STPG2: variants seen among roughly 807,000 people sequenced by gnomAD.
The protein encoded by STPG2 is sperm-tail PG-rich repeat-containing protein 2.
In STPG2, 56 loss-of-function variants were observed where a neutral mutation model predicts 54.2. The ratio of observed to expected loss-of-function variants is 1.03; its 90% confidence interval spans 0.83 to 1.29. The LOEUF is 1.29. STPG2 is among the 50% of genes most tolerant of loss of function. The pLI is 0.00. For synonymous variants in STPG2, 200 were observed against 181.8 expected (o/e 1.10, Z -0.81); for missense variants, 596 against 544.9 (o/e 1.09, Z -0.93).
chr4:97,650,608 G>A (rs1184551453), intron 10 of STPG2, among the ~76,000 whole-genome samples: 1 of 152,118 alleles, frequency 6.6e-6, no homozygotes, highest in Non-Finnish European at 1.5e-5. Flanking sequence ...ATAAAAGATT[G>A]TGGAGACCAA....
At chr4:97,759,885 T>A (rs1287576723) in intron 9 of STPG2, among the ~76,000 whole-genome samples, 2 of 152,168 alleles carry the variant, frequency 1.3e-5, no homozygotes, top group African/African-American at 4.8e-5. Context: ...GCTTCCTAAC[T>A]ATTAATCTGC....
At chr4:97,748,756 A>G (rs370301997) in intron 9 of STPG2, among the ~76,000 whole-genome samples, 1 of 151,548 alleles carries the variant, frequency 6.6e-6, no homozygotes, top group South Asian at 2.1e-4. Context: ...ATTTCATACA[A>G]TTTGACACAA....
At chr4:97,644,755 C>A (rs979920143) in intron 10 of STPG2, among the ~76,000 whole-genome samples, 1 of 151,924 alleles carries the variant, frequency 6.6e-6, no homozygotes, top group East Asian at 1.9e-4. Flanking sequence ...AAGTGACTTA[C>A]CAGAGCATAA....
intron 4 of STPG2, among the ~76,000 whole-genome samples, chr4:97,525,877 C>A (rs1369126388): frequency 2.0e-5 from 3 of 151,822 alleles, no homozygotes; most frequent in Non-Finnish European, 4.4e-5. Context: ...TAAATGTCTT[C>A]TTTTTTTGGA....
At chr4:97,931,780 T>C (rs977175844) in intron 8 of STPG2, among the ~76,000 whole-genome samples, 1 of 152,036 alleles carries the variant, frequency 6.6e-6, no homozygotes, top group African/African-American at 2.4e-5. Context: ...AGTAGTCCCT[T>C]CTCCTCAATT....
chr4:98,021,919 C>G (rs1008241496), intron 5 of STPG2, among the ~76,000 whole-genome samples: 5 of 151,862 alleles, frequency 3.3e-5, no homozygotes, highest in East Asian at 1.9e-4. Flanking sequence ...GTCTCTGCAC[C>G]TGAGATGGGT....
intron 5 of STPG2, among the ~76,000 whole-genome samples, chr4:97,993,333 G>A (rs1735081573): frequency 6.6e-6 from 1 of 152,084 alleles, no homozygotes; most frequent in Non-Finnish European, 1.5e-5. Flanking sequence ...TGTGTCTATT[G>A]AGATGATCAA....
At chr4:97,834,926 G>C (rs1728586271) in intron 9 of STPG2, among the ~76,000 whole-genome samples, 2 of 152,022 alleles carry the variant, frequency 1.3e-5, no homozygotes, top group Admixed American at 1.3e-4. Flanking sequence ...ACAGAAGATG[G>C]ATCTTCATCC....
At chr4:97,861,527 G>A (rs1056625358) in intron 8 of STPG2, among the ~76,000 whole-genome samples, 4 of 152,064 alleles carry the variant, frequency 2.6e-5, no homozygotes, top group Non-Finnish European at 5.9e-5. Flanking sequence ...AAAGAAATCA[G>A]TATATCAAAG....
At chr4:97,528,192 G>A (rs1334954305) in intron 4 of STPG2, among the ~76,000 whole-genome samples, 3 of 152,044 alleles carry the variant, frequency 2.0e-5, no homozygotes, top group Admixed American at 1.3e-4. Flanking sequence ...TGTAAGAAAC[G>A]GATCCAGTTT....
intron 4 of STPG2, among the ~76,000 whole-genome samples, chr4:97,542,061 G>C (rs1433733224): frequency 1.3e-5 from 2 of 152,138 alleles, no homozygotes; most frequent in African/African-American, 4.8e-5. Flanking sequence ...ATAGGCATAG[G>C]CAAGGACTTC....
chr4:98,047,041 C>A (rs545320755), intron 5 of STPG2, among the ~76,000 whole-genome samples: 1 of 151,748 alleles, frequency 6.6e-6, no homozygotes, highest in East Asian at 2.0e-4. Context: ...CAAACCCCTT[C>A]CAGGGAGAAA....
chr4:98,143,356 G>T lies in STPG2; in HGVS notation c.-206C>A. On this transcript the variant is annotated 5_prime_UTR_variant, in exon 1 of 11. Coordinates refer to ENST00000295268, the MANE Select transcript of STPG2 (RefSeq NM_174952.3). ...TCCTCAAATCGATTTCTAGCTCTGT[G>T]GTAAAGTAGAGGGGTGAGCGACTAG... is the stretch of plus-strand genomic sequence containing the variant. 1.8e-6 allele frequency: 1 copy of T among 562,944 alleles called. No homozygotes were observed. Among genetic ancestry groups the T allele is most frequent in the South Asian group, 2.1e-5 (1 of 47,600 alleles). 34.9% of individuals were successfully genotyped at this position (562,944 alleles called of 1,614,324 possible).
intron 8 of STPG2, among the ~76,000 whole-genome samples, chr4:97,874,805 G>C (rs1463801089): frequency 6.6e-6 from 1 of 151,608 alleles, no homozygotes; most frequent in African/African-American, 2.4e-5. Context: ...ATTATGTCAT[G>C]AGGGTGGAGC....
intron 10 of STPG2, among the ~76,000 whole-genome samples, chr4:97,682,408 T>C (rs1261458294): frequency 2.0e-5 from 3 of 151,764 alleles, no homozygotes; most frequent in Admixed American, 1.3e-4. Flanking sequence ...AAGACAACCA[T>C]GTAATGTTAT....
intron 10 of STPG2, among the ~76,000 whole-genome samples, chr4:97,674,117 T>G (rs1282532671): frequency 6.6e-6 from 1 of 152,176 alleles, no homozygotes; most frequent in Non-Finnish European, 1.5e-5. Flanking sequence ...TCTTCTCTAC[T>G]ACTTACCATT....
chr4:97,511,215 A>G (rs1354341267), intron 4 of STPG2, among the ~76,000 whole-genome samples: 1 of 152,064 alleles, frequency 6.6e-6, no homozygotes, highest in African/African-American at 2.4e-5. Flanking sequence ...TATTTACAAG[A>G]AACATGCTTA....
intron 10 of STPG2, among the ~76,000 whole-genome samples, chr4:97,583,893 A>G (rs114266510): frequency 0.017 from 2,591 of 151,978 alleles, 67 homozygotes; most frequent in African/African-American, 0.058. Flanking sequence ...ATTACTAGAC[A>G]TTAGAAATGA....
chr4:97,906,272 T>C (rs1011479461), intron 8 of STPG2, among the ~76,000 whole-genome samples: 5 of 152,092 alleles, frequency 3.3e-5, no homozygotes, highest in Non-Finnish European at 4.4e-5. Flanking sequence ...CTAGAAGAAA[T>C]GGATAAATTC....
Sources: gnomAD v4.1 joint callset for allele counts (sites outside exome capture counted in the v4.1 genomes callset) on GRCh38, gnomAD v4.1.1 for gene constraint, MANE v1.5 for transcripts, NCBI Gene and HGNC (gene_info 2026-07-23, HGNC 2026-07-21) for gene names.